ERICH1: variants seen among roughly 807,000 people sequenced by gnomAD.
ERICH1 encodes the protein glutamate-rich protein 1.
Under a neutral mutation model 39.6 loss-of-function variants are expected in ERICH1, and 56 were observed. The observed-to-expected ratio is 1.41, with a 90% confidence interval of 1.14 to 1.77. ERICH1 has a LOEUF of 1.77. Among genes scored for constraint, ERICH1 ranks in the 40% most tolerant of loss-of-function variants. The probability of loss-of-function intolerance (pLI) is 0.00; values close to 1 mark genes in which losing one functional copy is unlikely to be tolerated. For missense variants in ERICH1, 826 were observed against 575.4 expected (o/e 1.44, Z -4.45); for synonymous variants, 313 against 223.6 (o/e 1.40, Z -3.57).
At chr8:722,016 C>T (rs1384679124) in intron 1 of ERICH1, among the ~76,000 whole-genome samples, 3 of 152,076 alleles carry the variant, frequency 2.0e-5, no homozygotes, top group Non-Finnish European at 2.9e-5. Flanking sequence ...CCGGAGCCCC[C>T]GATGCTGCAT....
At chr8:726,216 G>C (rs1246445768) in intron 1 of ERICH1, among the ~76,000 whole-genome samples, 2 of 152,226 alleles carry the variant, frequency 1.3e-5, no homozygotes, top group East Asian at 1.9e-4. Flanking sequence ...GGGACTCCAA[G>C]GGAGAGGCAG....
chr8:648,391 C>T (rs6559040), intron 3 of ERICH1, among the ~76,000 whole-genome samples: 42,555 of 63,578 alleles, frequency 0.67, 19,964 homozygotes, highest in East Asian at 0.86. Context: ...GACTCCAGGT[C>T]GCAGTAGGGG....
At chr8:664,764 G>T in intron 5 of ERICH1, 88 bp from the exon 6 acceptor site, 2 of 1,093,328 alleles carry the variant, frequency 1.8e-6, no homozygotes, top group Non-Finnish European at 2.6e-6. Flanking sequence ...GAGCCTTTGG[G>T]CCCAAAGTGA....
intron 3 of ERICH1, among the ~76,000 whole-genome samples, chr8:640,167 T>A (rs779396546): frequency 2.6e-5 from 4 of 152,110 alleles, no homozygotes; most frequent in Non-Finnish European, 4.4e-5. Context: ...ACCGAGAAAC[T>A]GAGTGGAATG....
intron 2 of ERICH1, among the ~76,000 whole-genome samples, chr8:708,170 C>G (rs551454418): frequency 3.9e-4 from 59 of 152,018 alleles, no homozygotes; most frequent in Non-Finnish European, 7.2e-4. Flanking sequence ...AAACTAGAAC[C>G]TTTGTACAAT....
chr8:627,297 C>A (rs1394413894), intron 3 of ERICH1: 6 of 435,710 alleles, frequency 1.4e-5, no homozygotes, highest in Non-Finnish European at 2.8e-5. Flanking sequence ...GTATAACAGG[C>A]CAGGGGCTGG....
rs1804398983 is a variant in ERICH1, at chr8:675,109, C to T, written c.305-1062G>A. On this transcript the variant is annotated intron_variant, in intron 3 of 5. Coordinates refer to ENST00000262109, the MANE Select transcript of ERICH1 (RefSeq NM_207332.3). Reference sequence around the variant, plus strand: ...GGCAGTCTCAACACCTCAGTGAGGACAGAGACGTGGCGGCCCCTCGGCGAG... The same window carrying T: ...GGCAGTCTCAACACCTCAGTGAGGATAGAGACGTGGCGGCCCCTCGGCGAG... Among the ~76,000 whole-genome samples, 2 of 150,576 alleles carry T rather than the reference C, an allele frequency of 1.3e-5. 1 individual carries two copies. Among genetic ancestry groups the T allele is most frequent in the Non-Finnish European group, 3.0e-5 (2 of 67,644 alleles).
At chr8:671,268 C>A (rs1395601223) in intron 4 of ERICH1, among the ~76,000 whole-genome samples, 1 of 130,758 alleles carries the variant, frequency 7.6e-6, no homozygotes, top group Non-Finnish European at 1.6e-5. Flanking sequence ...CCTGCTCCGA[C>A]CACTGAGCGC....
intron 2 of ERICH1, among the ~76,000 whole-genome samples, chr8:704,555 T>A (rs1229024346): frequency 1.3e-5 from 2 of 152,174 alleles, no homozygotes; most frequent in African/African-American, 4.8e-5. Context: ...TAATCGTGTG[T>A]TATGTGACTC....
At chr8:637,896 A>G (rs1052782255) in intron 3 of ERICH1, among the ~76,000 whole-genome samples, 28 of 152,364 alleles carry the variant, frequency 1.8e-4, no homozygotes, top group African/African-American at 6.7e-4. Context: ...TGCTCTGGCC[A>G]CTGCAGGCAG....
chr8:664,099 G>T, downstream of ERICH1: 3 of 386,178 alleles, frequency 7.8e-6, no homozygotes, highest in Non-Finnish European at 1.1e-5. Flanking sequence ...AAGAACTGAC[G>T]ACTGCTTCTA....
At chr8:634,512 C>A (rs528944886) in intron 3 of ERICH1, among the ~76,000 whole-genome samples, 2 of 152,246 alleles carry the variant, frequency 1.3e-5, no homozygotes, top group Non-Finnish European at 1.5e-5. Context: ...TACGTCTGCA[C>A]ACCCATGCTC....
In ERICH1 at chr8:716,007, A is replaced by G. The variant is rs1422034688; in HGVS notation, c.23T>C (p.Val8Ala). 1.3e-6 allele frequency: 2 copies of G among 1,595,126 alleles called. No individual in the cohort carries two copies. The highest frequency in any genetic ancestry group is 1.8e-5 in the Admixed American group (1 of 54,144). Residue 8 changes from valine to alanine, a missense_variant and splice_region_variant, in exon 2 of 6, where the codon GTG becomes GCG. Physicochemically the swap from Val to Ala is moderately conservative, Grantham distance 64 (BLOSUM62 0). Transcript: ENST00000262109. MAAHRKHVFVEKVLQRLF... is the reference protein window; with the variant it reads MAAHRKHAFVEKVLQRLF... ...TCTCTGCAGCACCTTCTCCACAAAC[A>G]CTGTACAGACAACCGATTAAAAGAA... is the stretch of plus-strand genomic sequence containing the variant.
chr8:630,119 A>AC (rs36147878), intron 3 of ERICH1, among the ~76,000 whole-genome samples: 1 of 114,170 alleles, frequency 8.8e-6, no homozygotes, highest in South Asian at 2.9e-4. Flanking sequence ...TCCCGTGAGC[A>AC]CCCACACAGA....
At chr8:726,595 C>T (rs1004281235) in intron 1 of ERICH1, among the ~76,000 whole-genome samples, 18 of 151,392 alleles carry the variant, frequency 1.2e-4, no homozygotes, top group African/African-American at 4.1e-4. Flanking sequence ...CACACATACA[C>T]ACACAGGCAC....
intron 2 of ERICH1, among the ~76,000 whole-genome samples, chr8:700,390 CGCGCACAGGCCCGCACAG>C (rs1811754057): frequency 1.9e-5 from 1 of 52,886 alleles, no homozygotes; most frequent in Non-Finnish European, 4.6e-5. Context: ...GGCCCGCACA[CGCGCACAGGCCCGCACAG>C]GCGCACAGGC....
intron 2 of ERICH1, among the ~76,000 whole-genome samples, chr8:707,244 A>G (rs1156856414): frequency 5.1e-5 from 7 of 137,878 alleles, no homozygotes; most frequent in Admixed American, 1.6e-4. Flanking sequence ...GTATCACTCT[A>G]TCACCCAGGC....
chr8:710,546 C>T (rs1477485974), intron 2 of ERICH1, among the ~76,000 whole-genome samples: 2 of 152,160 alleles, frequency 1.3e-5, no homozygotes, highest in African/African-American at 2.4e-5. Flanking sequence ...ACCTGCTCCT[C>T]CCAGTCCTCG....
chr8:620,521 A>C (rs1797219501), intron 3 of ERICH1, among the ~76,000 whole-genome samples: 2 of 152,138 alleles, frequency 1.3e-5, no homozygotes, highest in Non-Finnish European at 2.9e-5. Flanking sequence ...ATGTACACTG[A>C]CCTCCTATAG....
Sources: allele counts gnomAD v4.1 joint callset (sites outside exome capture counted in the v4.1 genomes callset), GRCh38; gene constraint gnomAD v4.1.1; transcripts MANE v1.5; gene names NCBI Gene and HGNC (gene_info 2026-07-23, HGNC 2026-07-21).